ITGB8: variants seen among roughly 807,000 people sequenced by gnomAD.
ITGB8 encodes the protein integrin beta-8.
Under a neutral mutation model 89.5 loss-of-function variants are expected in ITGB8, and 30 were observed. The ratio of observed to expected loss-of-function variants is 0.34; its 90% CI spans 0.25 to 0.45. The LOEUF is 0.45. ITGB8 is among the 20% of genes least tolerant of loss of function. The pLI is 1.00. For missense variants in ITGB8, 836 were observed against 933.3 expected, an observed-to-expected ratio of 0.90 and a Z score of 1.36; for synonymous variants, 335 against 320.4, an observed-to-expected ratio of 1.05 and a Z score of -0.49.
intron 1 of ITGB8, chr7:20,346,722 G>A: frequency 1.0e-6 from 1 of 985,360 alleles, no homozygotes; most frequent in Non-Finnish European, 1.2e-6. Context: ...GACTCCAGAT[G>A]ATTAAAGTGA....
At chr7:20,330,463 C>A (rs1167877603), upstream of ITGB8, among the ~76,000 whole-genome samples, 1 of 152,152 alleles carries the variant, frequency 6.6e-6, no homozygotes, top group South Asian at 2.1e-4. Flanking sequence ...TCTCCCACCA[C>A]CCCCGCGAGC....
At chr7:20,387,506 C>T (rs1562689193) in intron 6 of ITGB8, among the ~76,000 whole-genome samples, 1 of 152,170 alleles carries the variant, frequency 6.6e-6, no homozygotes, top group African/African-American at 2.4e-5. Flanking sequence ...GTCGCAGAGC[C>T]AGAAGTTGAA....
At chr7:20,340,069 T>C (rs895227013) in intron 1 of ITGB8, among the ~76,000 whole-genome samples, 4 of 152,198 alleles carry the variant, frequency 2.6e-5, no homozygotes, top group African/African-American at 7.2e-5. Context: ...ATAAACAGCA[T>C]ATAGGGTCTT....
At chr7:20,393,041 T>C (rs1458000630) in intron 7 of ITGB8, among the ~76,000 whole-genome samples, 1 of 152,230 alleles carries the variant, frequency 6.6e-6, no homozygotes, top group Non-Finnish European at 1.5e-5. Context: ...CATCTTAATA[T>C]GCCCATTTTA....
chr7:20,409,840 C>A (rs1787694736), intron 13 of ITGB8, 35 bp from the exon 14 acceptor site: 1 of 1,610,192 alleles, frequency 6.2e-7, no homozygotes, highest in African/African-American at 1.3e-5. Context: ...AATATTTAGG[C>A]CCTTAGTTAA....
chr7:20,353,926 C>T (rs1394685505), intron 1 of ITGB8, among the ~76,000 whole-genome samples: 3 of 59,704 alleles, frequency 5.0e-5, no homozygotes, highest in South Asian at 7.3e-4. Context: ...AGCGAGACTC[C>T]GTCTCAAAAA....
intron 1 of ITGB8, among the ~76,000 whole-genome samples, chr7:20,357,532 C>A (rs1440789168): frequency 6.6e-6 from 1 of 151,988 alleles, no homozygotes; most frequent in Non-Finnish European, 1.5e-5. Flanking sequence ...AGATAATATA[C>A]CCAACATAGA....
In ITGB8 at chr7:20,391,874, T is replaced by C. The variant is rs186583275; in HGVS notation, c.1056+376T>C. Among the ~76,000 whole-genome samples the C allele has an allele frequency of 1.0e-3, 159 of 152,340 alleles. 2 individuals carry two copies. The highest frequency in any genetic ancestry group is 1.7e-3 in the South Asian group (8 of 4,832). On this transcript the variant is annotated intron_variant, in intron 7 of 13. Coordinates refer to ENST00000222573, the MANE Select transcript of ITGB8 (RefSeq NM_002214.3). Reference sequence around the variant, plus strand: ...TTCTTCTTATTCTGGTACATGAGCATATCCTCATAATAGGTTAAAATTAGA... The same window carrying C: ...TTCTTCTTATTCTGGTACATGAGCACATCCTCATAATAGGTTAAAATTAGA...
At chr7:20,384,195 T>A (rs1267133088) in intron 6 of ITGB8, among the ~76,000 whole-genome samples, 1 of 152,186 alleles carries the variant, frequency 6.6e-6, no homozygotes, top group Non-Finnish European at 1.5e-5. Flanking sequence ...TGGAGGAATT[T>A]TAAATTTTGT....
At chr7:20,399,280 C>T (rs1319316811) in intron 9 of ITGB8, among the ~76,000 whole-genome samples, 1 of 151,958 alleles carries the variant, frequency 6.6e-6, no homozygotes, top group African/African-American at 2.4e-5. Context: ...GCGTCATGAC[C>T]GGTATAAATT....
intron 6 of ITGB8, 60 bp from the exon 7 acceptor site, chr7:20,391,343 G>A: frequency 1.2e-6 from 1 of 855,372 alleles, no homozygotes; most frequent in Non-Finnish European, 1.8e-6. Flanking sequence ...CATATTAGAT[G>A]TTTGAATAGG....
chr7:20,374,457 A>AG (rs1786053040), intron 3 of ITGB8, among the ~76,000 whole-genome samples: 1 of 149,798 alleles, frequency 6.7e-6, no homozygotes. Context: ...TATTTTACAT[A>AG]GATTACCTTA....
At chr7:20,361,147 G>A (rs1002050891) in intron 1 of ITGB8, among the ~76,000 whole-genome samples, 2 of 151,986 alleles carry the variant, frequency 1.3e-5, no homozygotes, top group Non-Finnish European at 2.9e-5. Context: ...CCACATGAAT[G>A]TCTTCTCTTG....
intron 3 of ITGB8, among the ~76,000 whole-genome samples, chr7:20,372,280 G>T (rs1358823855): frequency 6.6e-6 from 1 of 151,998 alleles, no homozygotes; most frequent in Non-Finnish European, 1.5e-5. Flanking sequence ...ATGATGATTT[G>T]GTCCTTCTGA....
chr7:20,401,580 G>T, intron 9 of ITGB8, 141 bp from the exon 10 acceptor site: 2 of 526,218 alleles, frequency 3.8e-6, no homozygotes, highest in South Asian at 3.6e-5. Context: ...ATATATGAAA[G>T]AGATTACATG....
intron 3 of ITGB8, among the ~76,000 whole-genome samples, chr7:20,371,744 A>G (rs931493828): frequency 2.6e-5 from 4 of 152,210 alleles, no homozygotes; most frequent in African/African-American, 9.6e-5. Context: ...GAAACTTATT[A>G]TGCATGTATC....
At position 20,410,523 on chromosome 7, in the gene ITGB8, G is replaced by A. The variant is rs538826496; in HGVS notation, c.*526G>A. ...GATTCGTGTTTCACTCTTTCAAGAG[G>A]TGAACAGATACAACCTTAATCTTAA... is the stretch of plus-strand genomic sequence containing the variant. On this transcript the variant is annotated 3_prime_UTR_variant, in exon 14 of 14. Transcript: ENST00000222573. 1.3e-5 allele frequency: 2 copies of A among 153,170 alleles called. No homozygotes were observed. The highest frequency in any genetic ancestry group is 2.4e-5 in the African/African-American group (1 of 41,584). The allele number at this position is 153,170 out of a possible 1,614,324, so 9.5% of individuals were successfully genotyped here.
chr7:20,398,776 T>TA, intron 8 of ITGB8, 84 bp from the exon 9 acceptor site: 1 of 980,536 alleles, frequency 1.0e-6, no homozygotes, highest in Non-Finnish European at 1.4e-6. Flanking sequence ...ATTAAATCTA[T>TA]AATGATTTAA....
rs1787444451 is a variant in ITGB8 at position 20,404,349 on chromosome 7, G to C, written c.1688-279G>C. ...TTTAATGTAAAACGGAATATGCAAT[G>C]ACATTCAAGTAGTCTGGCAGCCACT... On this transcript the variant is annotated intron_variant, in intron 10 of 13. Transcript: ENST00000222573. 4.6e-5 allele frequency among the ~76,000 whole-genome samples: 7 copies of C among 152,228 alleles called. No homozygotes were observed. The South Asian group carries it at 1.4e-3, about 32-fold the overall frequency.
Sources: allele counts gnomAD v4.1 joint callset (sites outside exome capture counted in the v4.1 genomes callset), GRCh38; gene constraint gnomAD v4.1.1; transcripts MANE v1.5; gene names NCBI Gene and HGNC (gene_info 2026-07-23, HGNC 2026-07-21).